The following RNF150 variants were observed in gnomAD, a reference collection of about 807,000 sequenced individuals.
The protein encoded by RNF150 is ring finger protein 150.
A neutral mutation model predicts 39.3 loss-of-function variants in RNF150; 24 were observed. That is an observed-to-expected ratio of 0.61 (90% CI 0.44 to 0.86). RNF150 has a LOEUF of 0.86. Among genes scored for constraint, RNF150 ranks in the 40% least tolerant of loss-of-function variants. The pLI, the probability that RNF150 is intolerant of heterozygous loss-of-function variation, is 0.00. For synonymous variants in RNF150, 255 were observed against 227.3 expected, an observed-to-expected ratio of 1.12 and a Z score of -1.10; for missense variants, 502 against 587.8, an observed-to-expected ratio of 0.85 and a Z score of 1.51.
chr4:141,097,727 T>C (rs549983046), intron 1 of RNF150, among the ~76,000 whole-genome samples: 42 of 152,326 alleles, frequency 2.8e-4, no homozygotes, highest in Non-Finnish European at 5.6e-4. Context: ...GAACCATTTA[T>C]ATTCCTTTTT....
At chr4:140,912,927 T>G (rs1180819553) in intron 5 of RNF150, among the ~76,000 whole-genome samples, 1 of 147,812 alleles carries the variant, frequency 6.8e-6, no homozygotes, top group Non-Finnish European at 1.5e-5. Context: ...TCTTCTCCAG[T>G]GTATTTCAGT....
At chr4:140,965,253 G>C (rs1206686336) in intron 2 of RNF150, among the ~76,000 whole-genome samples, 1 of 152,020 alleles carries the variant, frequency 6.6e-6, no homozygotes, top group Non-Finnish European at 1.5e-5. Flanking sequence ...TGTTGGTGAG[G>C]GTATGGAGAA....
intron 1 of RNF150, among the ~76,000 whole-genome samples, chr4:141,174,301 C>G (rs1727773869): frequency 6.6e-6 from 1 of 152,128 alleles, no homozygotes; most frequent in Non-Finnish European, 1.5e-5. Flanking sequence ...ATCCTTCTGT[C>G]TGTAATGTAG....
intron 1 of RNF150, among the ~76,000 whole-genome samples, chr4:141,000,008 G>GAAAAGAAGAA (rs1476707356): frequency 1.2e-4 from 4 of 32,566 alleles, no homozygotes; most frequent in African/African-American, 3.9e-4. Context: ...AGAAGAAGAA[G>GAAAAGAAGAA]AAGAAGAAGA....
At chr4:141,105,966 G>A (rs1297986570) in intron 1 of RNF150, among the ~76,000 whole-genome samples, 1 of 152,030 alleles carries the variant, frequency 6.6e-6, no homozygotes, top group East Asian at 1.9e-4. Context: ...AACCTCTTTA[G>A]CACCCTTCCC....
At chr4:141,185,415 T>G (rs113024443) in intron 1 of RNF150, among the ~76,000 whole-genome samples, 16 of 152,342 alleles carry the variant, frequency 1.1e-4, no homozygotes, top group African/African-American at 2.6e-4. Flanking sequence ...CTTATCAGCT[T>G]AAGGAGACTT....
chr4:140,959,074 C>G (rs922681513), intron 2 of RNF150, among the ~76,000 whole-genome samples: 3 of 152,056 alleles, frequency 2.0e-5, no homozygotes, highest in Non-Finnish European at 2.9e-5. Context: ...CTTGCTCGAC[C>G]ACTGTTCCCA....
intron 6 of RNF150, among the ~76,000 whole-genome samples, chr4:140,909,070 C>CAGTA (rs1730496045): frequency 1.3e-5 from 2 of 152,082 alleles, no homozygotes; most frequent in South Asian, 4.1e-4. Context: ...GTATGTGTGA[C>CAGTA]AGTAATCAAA....
At chr4:140,921,807 G>T (rs1293020485) in intron 5 of RNF150, among the ~76,000 whole-genome samples, 4 of 152,122 alleles carry the variant, frequency 2.6e-5, no homozygotes, top group Non-Finnish European at 4.4e-5. Flanking sequence ...TGCAAGGCTG[G>T]TTCAACATAT....
intron 1 of RNF150, among the ~76,000 whole-genome samples, chr4:141,122,598 T>C (rs1726643510): frequency 6.6e-6 from 1 of 152,238 alleles, no homozygotes. Context: ...TATGCACTCA[T>C]GTTTAGCTAT....
At chr4:140,887,680 T>G (rs1729629876) in intron 6 of RNF150, among the ~76,000 whole-genome samples, 1 of 151,992 alleles carries the variant, frequency 6.6e-6, no homozygotes, top group African/African-American at 2.4e-5. Context: ...CAGAAGAAAC[T>G]AGAGAACAGG....
chr4:141,004,948 C>T (rs909624377), intron 1 of RNF150, among the ~76,000 whole-genome samples: 2 of 152,082 alleles, frequency 1.3e-5, no homozygotes, highest in Non-Finnish European at 2.9e-5. Flanking sequence ...ATTCTTGTTT[C>T]AACAAACAAC....
intron 1 of RNF150, among the ~76,000 whole-genome samples, chr4:141,052,637 A>C (rs370724418): frequency 6.6e-6 from 1 of 152,284 alleles, no homozygotes. Flanking sequence ...TGGCCTCCCA[A>C]AGTGCTGGGA....
chr4:140,884,104 G>C (rs1578928460), intron 6 of RNF150, among the ~76,000 whole-genome samples: 1 of 151,898 alleles, frequency 6.6e-6, no homozygotes, highest in East Asian at 1.9e-4. Context: ...AGTTACTGTA[G>C]TCTTCAACTC....
Position 140,892,511 on chromosome 4 carries a change from G to T in RNF150, c.1198+18633C>A, listed in dbSNP as rs146980118. On this transcript the variant is annotated intron_variant, in intron 6 of 6. Transcript: ENST00000515673. ...TTAAGCTGATCTCTTTATTACATTT[G>T]AACTGTACACAAATATTGGGTTTGA... Among the ~76,000 whole-genome samples, 438 of 152,272 alleles carry T rather than the reference G, an allele frequency of 2.9e-3. 1 individual carries two copies. The highest frequency in any genetic ancestry group is 0.01 in the African/African-American group (422 of 41,542).
chr4:141,122,261 C>A (rs28438876), intron 1 of RNF150, among the ~76,000 whole-genome samples: 22 of 152,190 alleles, frequency 1.4e-4, no homozygotes, highest in African/African-American at 4.8e-4. Flanking sequence ...GTTTCACCAT[C>A]AGTAATCATG....
chr4:141,192,800 T>C (rs1257257714), intron 1 of RNF150, among the ~76,000 whole-genome samples: 1 of 152,200 alleles, frequency 6.6e-6, no homozygotes, highest in East Asian at 1.9e-4. Flanking sequence ...ATCCTCTACT[T>C]CTTTACTCTT....
intron 1 of RNF150, among the ~76,000 whole-genome samples, chr4:141,020,558 TC>T (rs776600601): frequency 5.9e-5 from 9 of 152,196 alleles, no homozygotes; most frequent in African/African-American, 1.4e-4. Flanking sequence ...CTTTTGTTTA[TC>T]CTGTTTATTG....
At chr4:140,910,086 A>G (rs1730535457) in intron 6 of RNF150, among the ~76,000 whole-genome samples, 1 of 151,966 alleles carries the variant, frequency 6.6e-6, no homozygotes, top group Non-Finnish European at 1.5e-5. Flanking sequence ...TTCTTTCTTT[A>G]TCTCTCAATT....
Sources: gnomAD v4.1 joint callset for allele counts (sites outside exome capture counted in the v4.1 genomes callset) on GRCh38, gnomAD v4.1.1 for gene constraint, MANE v1.5 for transcripts, NCBI Gene and HGNC (gene_info 2026-07-23, HGNC 2026-07-21) for gene names.